The following KSR1 variants were observed in gnomAD, a reference collection of about 807,000 sequenced individuals.
KSR1 encodes kinase suppressor of ras 1.
In KSR1, 35 loss-of-function variants were observed where a neutral mutation model predicts 92.9. The observed-to-expected ratio is 0.38, with a 90% CI of 0.29 to 0.50. The LOEUF is 0.50. KSR1 is among the 20% of genes least tolerant of loss of function. The pLI is 0.94. For synonymous variants in KSR1, 467 were observed against 472.6 expected (o/e 0.99, Z 0.15); for missense variants, 972 against 1,158.5 (o/e 0.84, Z 2.34).
intron 4 of KSR1, among the ~76,000 whole-genome samples, chr17:27,584,318 C>T (rs1240768582): frequency 6.6e-6 from 1 of 152,210 alleles, no homozygotes; most frequent in Non-Finnish European, 1.5e-5. Context: ...CTGATCCCCT[C>T]TCCCAGTGCA....
chr17:27,602,030 C>A, intron 11 of KSR1: 1 of 1,055,946 alleles, frequency 9.5e-7, no homozygotes, highest in Non-Finnish European at 1.4e-6. Flanking sequence ...CTTTTCATTC[C>A]TGCCCCTAAA....
intron 1 of KSR1, among the ~76,000 whole-genome samples, chr17:27,486,502 G>A (rs1256699440): frequency 1.3e-5 from 2 of 152,238 alleles, no homozygotes; most frequent in African/African-American, 4.8e-5. Context: ...CACAGGAGTG[G>A]CCATGCAGGC....
Position 27,559,770 on chromosome 17 carries a change from AG to A in KSR1, c.372+9065del, listed in dbSNP as rs1376680199. Among the ~76,000 whole-genome samples the A allele has an allele frequency of 2.0e-5, 3 of 152,206 alleles. No homozygotes were observed. Among genetic ancestry groups the A allele is most frequent in the African/African-American group, 7.2e-5 (3 of 41,454 alleles). On this transcript the variant is annotated intron_variant, in intron 2 of 20. Transcript: ENST00000644974. The surrounding 1 kb of genome is among the most constrained non-coding windows in gnomAD (Gnocchi z 4.2). ...GGGAAGGCAAGAGCACACCAGGCGG[AG>A]GGAAGAATATCTGCAGAGACCCTGA... is the stretch of plus-strand genomic sequence containing the variant.
intron 1 of KSR1, among the ~76,000 whole-genome samples, chr17:27,543,098 G>A (rs955589816): frequency 3.9e-5 from 6 of 152,240 alleles, no homozygotes; most frequent in Admixed American, 3.3e-4. Context: ...ACAATGGCTG[G>A]CCTGTCCCTG....
intron 11 of KSR1, among the ~76,000 whole-genome samples, chr17:27,602,298 G>A (rs909661054): frequency 3.9e-5 from 6 of 152,146 alleles, no homozygotes; most frequent in African/African-American, 9.7e-5. Context: ...CTGAGAACCC[G>A]CCTCCCGGAG....
At chr17:27,498,879 A>G (rs1334185173) in intron 1 of KSR1, among the ~76,000 whole-genome samples, 1 of 152,202 alleles carries the variant, frequency 6.6e-6, no homozygotes, top group Non-Finnish European at 1.5e-5. Flanking sequence ...ACATGTGGGA[A>G]TGCTTTGAGG....
At chr17:27,608,992 T>A (rs1167090136) in intron 15 of KSR1, among the ~76,000 whole-genome samples, 2 of 152,232 alleles carry the variant, frequency 1.3e-5, no homozygotes, top group African/African-American at 4.8e-5. Context: ...TGGGATCAGA[T>A]CTCAGCTCTG....
intron 16 of KSR1, chr17:27,609,731 A>C (rs2073862524): frequency 2.9e-6 from 1 of 340,258 alleles, no homozygotes; most frequent in Non-Finnish European, 5.4e-6. Context: ...GGCCAGCCCC[A>C]GCCAAGTTTG....
intron 2 of KSR1, among the ~76,000 whole-genome samples, chr17:27,554,358 G>C (rs1162711228): frequency 6.6e-6 from 1 of 152,228 alleles, no homozygotes; most frequent in Non-Finnish European, 1.5e-5. Flanking sequence ...GCCACTGACA[G>C]GTACCGGTCC....
chr17:27,458,241 G>A (rs1333439000), intron 1 of KSR1, among the ~76,000 whole-genome samples: 3 of 152,204 alleles, frequency 2.0e-5, no homozygotes, highest in Admixed American at 2.0e-4. Context: ...CAAGTATTGA[G>A]AGAAACTGAT....
At chr17:27,508,033 C>T (rs1189215952) in intron 1 of KSR1, among the ~76,000 whole-genome samples, 2 of 152,202 alleles carry the variant, frequency 1.3e-5, no homozygotes, top group Non-Finnish European at 2.9e-5. Flanking sequence ...CCTCCCTAAT[C>T]TCCCACGTGC....
intron 15 of KSR1, among the ~76,000 whole-genome samples, chr17:27,608,662 A>C (rs959502334): frequency 2.0e-5 from 3 of 152,184 alleles, no homozygotes; most frequent in African/African-American, 7.2e-5. Flanking sequence ...GATGGAGTTC[A>C]AACCCCAGAT....
intron 15 of KSR1, 51 bp downstream of exon 15, chr17:27,608,061 T>G: frequency 7.5e-7 from 1 of 1,333,388 alleles, no homozygotes. Flanking sequence ...GTTCCAGGGC[T>G]CTCGGCTGTT....
At position 27,526,915 on chromosome 17, in the gene KSR1, T is replaced by C; in HGVS notation, c.232-23653T>C. The C allele has an allele frequency of 4.8e-6, 3 of 625,706 alleles. No homozygotes were observed. In the South Asian group the frequency reaches 5.8e-5, roughly 12 times the overall value. The allele number at this position is 625,706 out of a possible 1,614,324, so 38.8% of individuals were successfully genotyped here. ...GTGATCTCCTTCCCTAGGACTTGGT[T>C]ACTCAGGAGGGGGCTGACGCTCCCT... On this transcript the variant is annotated intron_variant, in intron 1 of 20. Transcript: ENST00000644974.
chr17:27,522,444 A>G (rs2070080191), intron 1 of KSR1, among the ~76,000 whole-genome samples: 1 of 152,212 alleles, frequency 6.6e-6, no homozygotes, highest in East Asian at 1.9e-4. Flanking sequence ...TGTGTTTGGA[A>G]ATAAACAACT....
chr17:27,584,281 G>T (rs2072886556), intron 4 of KSR1, among the ~76,000 whole-genome samples: 1 of 152,110 alleles, frequency 6.6e-6, no homozygotes, highest in Admixed American at 6.5e-5. Flanking sequence ...GTGTATCTTG[G>T]GCCTTGGAGT....
At position 27,609,785 on chromosome 17, in the gene KSR1, A is replaced by G. The variant is rs185146640; in HGVS notation, c.2226-282A>G. 549 of 378,264 alleles carry G rather than the reference A, an allele frequency of 1.5e-3. 3 individuals are homozygous for G. The highest frequency in any genetic ancestry group is 0.011 in the African/African-American group (509 of 48,430). The allele number at this position is 378,264 out of a possible 1,614,324, so 23.4% of individuals were successfully genotyped here. On this transcript the variant is annotated intron_variant, in intron 16 of 20. Coordinates refer to ENST00000644974, the MANE Select transcript of KSR1 (RefSeq NM_001394583.1). ...GGGTTCCTGGTTAGAGAGGCGCCTC[A>G]TTCTCCAGCAGAGGGAGCTGGGCAC...
chr17:27,568,727 TC>T (rs1234081796), intron 2 of KSR1, among the ~76,000 whole-genome samples: 1 of 152,180 alleles, frequency 6.6e-6, no homozygotes, highest in Non-Finnish European at 1.5e-5. Context: ...GATTACCGCA[TC>T]CCAGTTTGCC....
intron 1 of KSR1, among the ~76,000 whole-genome samples, chr17:27,541,309 G>A (rs2151067058): frequency 6.6e-6 from 1 of 152,346 alleles, no homozygotes; most frequent in African/African-American, 2.4e-5. Context: ...GTTACTTCGT[G>A]TCACTCTGTA....
Sources: allele counts gnomAD v4.1 joint callset (sites outside exome capture counted in the v4.1 genomes callset), GRCh38; gene constraint gnomAD v4.1.1; non-coding constraint Gnocchi (gnomAD v3.1); transcripts MANE v1.5; gene names NCBI Gene and HGNC (gene_info 2026-07-23, HGNC 2026-07-21).